Variants in PCCA observed in about 807,000 individuals in gnomAD.
The protein encoded by PCCA is propionyl-CoA carboxylase alpha chain, mitochondrial.
In PCCA, 74 loss-of-function variants were observed where a neutral mutation model predicts 101.3. The observed-to-expected ratio is 0.73, with a 90% CI of 0.61 to 0.89. The LOEUF is 0.89. Among genes scored for constraint, PCCA ranks in the 40% least tolerant of loss-of-function variants. PCCA has a pLI of 0.00. For missense variants in PCCA, 891 were observed against 907.0 expected, an observed-to-expected ratio of 0.98 and a Z score of 0.23; for synonymous variants, 294 against 313.6, an observed-to-expected ratio of 0.94 and a Z score of 0.66.
At chr13:100,250,022 G>A (rs2061661789) in intron 8 of PCCA, among the ~76,000 whole-genome samples, 1 of 152,220 alleles carries the variant, frequency 6.6e-6, no homozygotes, top group Non-Finnish European at 1.5e-5. Flanking sequence ...AGTGAAGACA[G>A]TTCTATTTAT....
At chr13:100,379,244 A>G (rs2152826296) in intron 19 of PCCA, among the ~76,000 whole-genome samples, 1 of 152,040 alleles carries the variant, frequency 6.6e-6, no homozygotes, top group African/African-American at 2.4e-5. Context: ...GGCTTAGGGT[A>G]CTGTTATTAG....
At chr13:100,168,150 C>T (rs1024847671) in intron 6 of PCCA, among the ~76,000 whole-genome samples, 2 of 152,168 alleles carry the variant, frequency 1.3e-5, no homozygotes, top group Non-Finnish European at 2.9e-5. Flanking sequence ...GTTCATTCTT[C>T]AGTTCCACAC....
At chr13:100,209,916 G>C (rs772293955) in intron 7 of PCCA, among the ~76,000 whole-genome samples, 1 of 151,694 alleles carries the variant, frequency 6.6e-6, no homozygotes, top group Non-Finnish European at 1.5e-5. Flanking sequence ...ACAGGCGTGA[G>C]TCACTGCATC....
At chr13:100,155,162 TA>T (rs3215976) in intron 5 of PCCA, 70 bp downstream of exon 5, 10,018 of 768,426 alleles carry the variant, frequency 0.013, no homozygotes, top group Non-Finnish European at 0.016. Flanking sequence ...AGTTTGTATT[TA>T]AAAAAAAAAA....
At chr13:100,150,603 GT>G (rs1278023583) in intron 4 of PCCA, 23 of 1,196,072 alleles carry the variant, frequency 1.9e-5, no homozygotes, top group Non-Finnish European at 2.6e-5. Context: ...GCCTGCAGAT[GT>G]CAGCCCACAC....
At chr13:100,412,165 C>T (rs1456502092) in intron 19 of PCCA, among the ~76,000 whole-genome samples, 1 of 152,074 alleles carries the variant, frequency 6.6e-6, no homozygotes, top group Non-Finnish European at 1.5e-5. Flanking sequence ...ATGTTAGTGA[C>T]AGCAAAATGT....
At chr13:100,134,930 C>T (rs969626747) in intron 4 of PCCA, among the ~76,000 whole-genome samples, 2 of 147,982 alleles carry the variant, frequency 1.4e-5, no homozygotes, top group Non-Finnish European at 2.9e-5. Flanking sequence ...TTTTTGTAGA[C>T]AGGGTCTTAC....
At chr13:100,302,291 G>A (rs2066124506) in intron 13 of PCCA, among the ~76,000 whole-genome samples, 1 of 152,038 alleles carries the variant, frequency 6.6e-6, no homozygotes, top group African/African-American at 2.4e-5. Flanking sequence ...ATCAGTGTCT[G>A]TGTTTAAGAA....
chr13:100,381,762 G>C (rs896195172), intron 19 of PCCA, among the ~76,000 whole-genome samples: 1 of 152,226 alleles, frequency 6.6e-6, no homozygotes, highest in Non-Finnish European at 1.5e-5. Flanking sequence ...GGGAACTGTA[G>C]TGCAGGAGCA....
At chr13:100,190,457 T>C (rs1417007586) in intron 6 of PCCA, among the ~76,000 whole-genome samples, 1 of 151,834 alleles carries the variant, frequency 6.6e-6, no homozygotes, top group Admixed American at 6.6e-5. Context: ...CCTGGGCAGG[T>C]GGATCACTTG....
At chr13:100,106,578 T>G (rs1369156760) in intron 2 of PCCA, among the ~76,000 whole-genome samples, 101 of 151,122 alleles carry the variant, frequency 6.7e-4, no homozygotes, top group Non-Finnish European at 4.4e-5. Context: ...ATCCGGCTAA[T>G]TTTTTTTTGT....
chr13:100,479,643 G>A (rs534019021), intron 21 of PCCA: 4 of 152,182 alleles, frequency 2.6e-5, no homozygotes, highest in African/African-American at 4.8e-5. Context: ...CGTTGAGTTG[G>A]CTGAGGAGGA....
intron 7 of PCCA, among the ~76,000 whole-genome samples, chr13:100,223,121 T>C (rs2059919936): frequency 6.6e-6 from 1 of 151,710 alleles, no homozygotes; most frequent in Non-Finnish European, 1.5e-5. Flanking sequence ...GTGAAAGGCA[T>C]GCACATTAAG....
chr13:100,312,769 A>C (rs1483437375), intron 16 of PCCA, among the ~76,000 whole-genome samples: 1 of 152,226 alleles, frequency 6.6e-6, no homozygotes, highest in African/African-American at 2.4e-5. Flanking sequence ...ACCTGTTTGT[A>C]TGAATCGTTA....
intron 11 of PCCA, 120 bp from the exon 12 acceptor site, chr13:100,273,076 C>T (rs967284846): frequency 4.0e-5 from 28 of 706,920 alleles, no homozygotes; most frequent in Non-Finnish European, 9.9e-6. Flanking sequence ...ATTTTGAATT[C>T]TTAAATTGGT....
intron 12 of PCCA, among the ~76,000 whole-genome samples, chr13:100,285,195 C>T (rs1355482121): frequency 6.6e-6 from 1 of 152,260 alleles, no homozygotes; most frequent in East Asian, 1.9e-4. Flanking sequence ...GACTATGGAT[C>T]CCCGGATACA....
chr13:100,510,457 A>G (rs1311225124), intron 21 of PCCA, among the ~76,000 whole-genome samples: 1 of 152,192 alleles, frequency 6.6e-6, no homozygotes, highest in African/African-American at 2.4e-5. Context: ...TTCATATGCT[A>G]TCTGATGTGA....
intron 4 of PCCA, among the ~76,000 whole-genome samples, chr13:100,136,460 A>G (rs7326712): frequency 0.057 from 8,665 of 152,218 alleles, 845 homozygotes; most frequent in African/African-American, 0.2. Context: ...TGCTGGGATT[A>G]CAGGTGTGAG....
chr13:100,170,970 C>T (rs891558130), intron 6 of PCCA, among the ~76,000 whole-genome samples: 3 of 152,186 alleles, frequency 2.0e-5, no homozygotes, highest in Admixed American at 6.5e-5. Flanking sequence ...CCCTTTCAGA[C>T]ACTCTGAAGT....
Sources: gnomAD v4.1 joint callset for allele counts (sites outside exome capture counted in the v4.1 genomes callset) on GRCh38, gnomAD v4.1.1 for gene constraint, MANE v1.5 for transcripts, NCBI Gene and HGNC (gene_info 2026-07-23, HGNC 2026-07-21) for gene names.